Variants in COL6A2 observed in about 807,000 individuals in gnomAD.
COL6A2 encodes collagen alpha-2(VI) chain.
A neutral mutation model predicts 124.9 loss-of-function variants in COL6A2; 90 were observed. The observed-to-expected ratio is 0.72, with a 90% CI of 0.61 to 0.86. The LOEUF is 0.86. COL6A2 is among the 40% of genes least tolerant of loss of function. The probability of loss-of-function intolerance (pLI) is 0.00; values close to 1 mark genes in which losing one functional copy is unlikely to be tolerated. For synonymous variants in COL6A2, 793 were observed against 618.2 expected (o/e 1.28, Z -4.19); for missense variants, 1,607 against 1,502.5 (o/e 1.07, Z -1.15).
At position 46,119,846 on chromosome 21, in the gene COL6A2, A is replaced by G; in HGVS notation, c.1328A>G (p.Glu443Gly). ...CCAGGCAGCGATGGCCCCAAGGGGGAGAAGGTGAGTCCTCGTGTGGAGGCA... is the reference window on the plus strand; with the variant it reads ...CCAGGCAGCGATGGCCCCAAGGGGGGGAAGGTGAGTCCTCGTGTGGAGGCA... ...GSPGSDGPKG[E>G]KGDPGPEGPR... The change falls in exon 15 of 28, where the codon GAG (glutamate) becomes GGG (glycine). Residue 443 changes from glutamate to glycine, a missense_variant. Glu to Gly is a moderately conservative substitution (Grantham distance 98). Coordinates refer to ENST00000300527, the MANE Select transcript of COL6A2 (RefSeq NM_001849.4). 6.4e-7 allele frequency: 1 copy of G among 1,558,748 alleles called. No individual in the cohort carries two copies. The highest frequency in any genetic ancestry group is 1.9e-5 in the Admixed American group (1 of 51,546).
In COL6A2 at chr21:46,116,100, A is replaced by ACTGCCAGGCAGGCTCCCCCCAGCC; in HGVS notation, c.900+49_900+72dup. On this transcript the variant is annotated intron_variant, in intron 7 of 27. Transcript: ENST00000300527. The surrounding 1 kb of genome is among the most constrained non-coding windows in gnomAD (Gnocchi z 4.6). ...CTTGGCTCCACCCTGAGGCCCCAGC[A>ACTGCCAGGCAGGCTCCCCCCAGCC]CTGCCAGGCAGGCTCCCCCCAGCCC... 1 of 1,540,644 alleles carries ACTGCCAGGCAGGCTCCCCCCAGCC rather than the reference A, an allele frequency of 6.5e-7. No homozygotes were observed. The highest frequency in any genetic ancestry group is 8.8e-7 in the Non-Finnish European group (1 of 1,137,894).
rs149731632 is a variant in COL6A2 at position 46,125,287 on chromosome 21, G to C, written c.1792G>C (p.Val598Leu). Reference sequence around the variant, plus strand: ...GCAGGAGTGTGACGTCATGACCTACGTGAGGGAGACCTGCGGGTGCTGCGG... The same window carrying C: ...GCAGGAGTGTGACGTCATGACCTACCTGAGGGAGACCTGCGGGTGCTGCGG... ...GLTECDVMTYVRETCGCCDCE... is the reference protein window; with the variant it reads ...GLTECDVMTYLRETCGCCDCE... The change falls in exon 24 of 28, where the codon GTG becomes CTG. Residue 598 changes from valine to leucine, a missense_variant. By Grantham distance (32) the Val-to-Leu change is conservative. Around this residue, in one of 3 missense-constraint regions of COL6A2, gnomAD observed 1,223 missense variants for 1,052.2 expected, o/e 1.16. Coordinates refer to ENST00000300527, the MANE Select transcript of COL6A2 (RefSeq NM_001849.4). The C allele has an allele frequency of 6.2e-7, 1 of 1,612,086 alleles. No homozygotes were observed. The highest frequency in any genetic ancestry group is 8.5e-7 in the Non-Finnish European group (1 of 1,179,498).
At chr21:46,119,657 C>G (rs764723153) in intron 14 of COL6A2, 131 bp from the exon 15 acceptor site, 1 of 761,376 alleles carries the variant, frequency 1.3e-6, no homozygotes, top group Non-Finnish European at 2.2e-6. Flanking sequence ...GCCTGGGGAT[C>G]GAGGTCCCAG....
chr21:46,118,513 G>A, intron 12 of COL6A2, 101 bp from the exon 13 acceptor site: 4 of 1,113,276 alleles, frequency 3.6e-6, no homozygotes, highest in South Asian at 1.3e-5. Flanking sequence ...TCAGGGAGGT[G>A]CAGTCCCAAG....
chr21:46,126,585 A>C, intron 27 of COL6A2, 44 bp downstream of exon 27: 2 of 1,611,846 alleles, frequency 1.2e-6, no homozygotes, highest in Non-Finnish European at 1.7e-6. Flanking sequence ...CTAGCAAAGC[A>C]GCCCTGGTGT....
At position 46,125,535 on chromosome 21, in the gene COL6A2, C is replaced by T. The variant is rs758542107; in HGVS notation, c.1887C>T (p.Thr629=). 64 of 1,612,802 alleles carry T rather than the reference C, an allele frequency of 4.0e-5. No homozygotes were observed. Among genetic ancestry groups the T allele is most frequent in the Non-Finnish European group, 5.3e-5 (63 of 1,179,962 alleles). The change falls in exon 25 of 28, where the codon ACC becomes ACT. Residue 629 remains threonine (T), a synonymous_variant. Coordinates refer to ENST00000300527, the MANE Select transcript of COL6A2 (RefSeq NM_001849.4). The part of the protein sequence containing the change: ...VIDSSESIGY[T]NFTLEKNFVI... ...ACAGCTCCGAGAGCATTGGGTACAC[C>T]AACTTCACACTGGAGAAGAACTTCG...
chr21:46,117,768 G>A, intron 11 of COL6A2, 106 bp from the exon 12 acceptor site: 2 of 1,155,164 alleles, frequency 1.7e-6, no homozygotes, highest in Non-Finnish European at 2.5e-6. Flanking sequence ...TCACAGTGAG[G>A]GTGGGAGGTG....
At chr21:46,131,202 C>T (rs1045055026) in intron 27 of COL6A2, among the ~76,000 whole-genome samples, 2 of 152,256 alleles carry the variant, frequency 1.3e-5, no homozygotes, top group African/African-American at 4.8e-5. Context: ...CACGCAAGGA[C>T]TGTCCGTGTC....
intron 17 of COL6A2, 122 bp downstream of exon 17, chr21:46,121,245 C>G: frequency 1.0e-6 from 1 of 994,588 alleles, no homozygotes; most frequent in East Asian, 2.5e-5. Context: ...AGAGCCTGGC[C>G]TCAGAAGCCA....
At chr21:46,109,063 G>T (rs1305340346) in intron 1 of COL6A2, among the ~76,000 whole-genome samples, 1 of 152,158 alleles carries the variant, frequency 6.6e-6, no homozygotes, top group Non-Finnish European at 1.5e-5. Context: ...CCCTGGAGTG[G>T]GTGGCTCCTC....
chr21:46,125,372 C>T (rs987558190), intron 24 of COL6A2, 61 bp downstream of exon 24: 4 of 1,604,406 alleles, frequency 2.5e-6, no homozygotes, highest in Non-Finnish European at 3.4e-6. Flanking sequence ...GGGAGTGCAG[C>T]AGGGCTGGGT....
Position 46,122,940 on chromosome 21 carries a change from G to A in COL6A2, c.1671+3G>A. ...GGAAAGGAGAGAAAGGAGAGCCTGT[G>A]AGTGTCACCGTCCCGAAGCCCACAG... On this transcript the variant is annotated splice_donor_region_variant and intron_variant, in intron 21 of 27. Transcript: ENST00000300527. 1.2e-6 allele frequency: 2 copies of A among 1,613,134 alleles called. No homozygotes were observed. The highest frequency in any genetic ancestry group is 1.1e-5 in the South Asian group (1 of 91,080).
intron 1 of COL6A2, among the ~76,000 whole-genome samples, chr21:46,101,858 T>C (rs1374408406): frequency 2.0e-5 from 1 of 50,326 alleles, no homozygotes; most frequent in Non-Finnish European, 5.6e-5. Context: ...TTTTTTTTTT[T>C]TTTTTTTTTT....
In COL6A2 at chr21:46,124,775, C is replaced by G. The variant is rs987891683; in HGVS notation, c.1734+62C>G. On this transcript the variant is annotated intron_variant, in intron 22 of 27. Coordinates refer to ENST00000300527, the MANE Select transcript of COL6A2 (RefSeq NM_001849.4). ...CCTGCCAGGCCAACACACACCCAAG[C>G]CTCGTGGTTCTGCCCACGGTGGACC... The G allele has an allele frequency of 8.1e-6, 13 of 1,601,526 alleles. No homozygotes were observed. The African/African-American group carries it at 1.6e-4, about 20-fold the overall frequency.
Position 46,129,763 on chromosome 21 carries a change from C to T in COL6A2, c.2462-2191C>T. On this transcript the variant is annotated intron_variant, in intron 27 of 27. Transcript: ENST00000300527. Reference sequence around the variant, plus strand: ...CCCTGGTCATTGAATTTAAGGCCCACCCCAAGTCCAGAATGACCTCGCAAG... The same window carrying T: ...CCCTGGTCATTGAATTTAAGGCCCATCCCAAGTCCAGAATGACCTCGCAAG... 4.5e-6 allele frequency: 6 copies of T among 1,329,704 alleles called. No homozygotes were observed. In the South Asian group the frequency reaches 1.2e-4, roughly 27 times the overall value. The allele number at this position is 1,329,704 out of a possible 1,614,324, so 82.4% of individuals were successfully genotyped here.
intron 1 of COL6A2, among the ~76,000 whole-genome samples, chr21:46,107,972 T>C (rs539460374): frequency 6.6e-6 from 1 of 152,298 alleles, no homozygotes; most frequent in South Asian, 2.1e-4. Context: ...AGAATAAATC[T>C]CTTAAAATAT....
chr21:46,102,897 C>G (rs9980119), intron 1 of COL6A2, among the ~76,000 whole-genome samples: 3 of 152,244 alleles, frequency 2.0e-5, no homozygotes, highest in Middle Eastern at 6.8e-3. Context: ...CTTGCAATAT[C>G]TTTGTCTGGT....
chr21:46,108,748 T>C (rs1371140489), intron 1 of COL6A2, among the ~76,000 whole-genome samples: 1 of 152,240 alleles, frequency 6.6e-6, no homozygotes, highest in Non-Finnish European at 1.5e-5. Context: ...TAGTGGTCCT[T>C]AATATGCTAT....
chr21:46,102,970 G>GT (rs2078303131), intron 1 of COL6A2, among the ~76,000 whole-genome samples: 1 of 152,116 alleles, frequency 6.6e-6, no homozygotes, highest in South Asian at 2.1e-4. Context: ...TTCTCTTCAA[G>GT]TTTTTTGAAA....
Sources: allele counts gnomAD v4.1 joint callset (sites outside exome capture counted in the v4.1 genomes callset), GRCh38; gene constraint gnomAD v4.1.1; regional missense constraint gnomAD v4.1.1; non-coding constraint Gnocchi (gnomAD v3.1); transcripts MANE v1.5; gene names NCBI Gene and HGNC (gene_info 2026-07-23, HGNC 2026-07-21).